Variants in GARNL3 observed in about 807,000 individuals in gnomAD.
The protein encoded by GARNL3 is GTPase activating Rap/RanGAP domain like 3, also known as GTPase-activating Rap/Ran-GAP domain-like protein 3.
Under a neutral mutation model 125.0 loss-of-function variants are expected in GARNL3, and 63 were observed. The observed-to-expected ratio is 0.50, with a 90% CI of 0.41 to 0.62. The LOEUF (loss-of-function observed/expected upper bound fraction) is 0.62. Among genes scored for constraint, GARNL3 ranks in the 20% least tolerant of loss-of-function variants. GARNL3 has a pLI of 0.00. For missense variants in GARNL3, 994 were observed against 1,244.0 expected (o/e 0.80, Z 3.02); for synonymous variants, 439 against 457.5 (o/e 0.96, Z 0.52).
upstream of GARNL3, chr9:127,263,769 A>T (rs543538152): frequency 1.3e-5 from 16 of 1,226,528 alleles, no homozygotes; most frequent in African/African-American, 2.3e-4. Context: ...AAAAGGTTAA[A>T]TTTCTCATAT....
intron 2 of GARNL3, among the ~76,000 whole-genome samples, chr9:127,304,291 C>T (rs979631161): frequency 7.2e-5 from 11 of 152,112 alleles, no homozygotes; most frequent in Admixed American, 4.6e-4. Context: ...TTCACCAACT[C>T]CAGAACTGCA....
intron 2 of GARNL3, among the ~76,000 whole-genome samples, chr9:127,255,151 A>G (rs2063476116): frequency 6.6e-6 from 1 of 152,216 alleles, no homozygotes; most frequent in Admixed American, 6.5e-5. Flanking sequence ...ACTCCTGGGT[A>G]TGGAATCTAG....
upstream of GARNL3, chr9:127,263,572 C>A: frequency 2.1e-6 from 1 of 484,456 alleles, no homozygotes. Flanking sequence ...AGAAAATAGG[C>A]GTAGAGGACA....
At chr9:127,366,568 T>C (rs1331306593) in intron 22 of GARNL3, among the ~76,000 whole-genome samples, 1 of 152,242 alleles carries the variant, frequency 6.6e-6, no homozygotes, top group Non-Finnish European at 1.5e-5. Flanking sequence ...GAGACATCTA[T>C]AGAATAACTT....
intron 26 of GARNL3, among the ~76,000 whole-genome samples, chr9:127,389,585 T>G (rs1015493055): frequency 2.0e-5 from 3 of 152,078 alleles, no homozygotes; most frequent in Non-Finnish European, 4.4e-5. Context: ...TGGGGGCAGG[T>G]CTGTGGATAG....
chr9:127,331,334 CA>C (rs374772757), intron 7 of GARNL3, among the ~76,000 whole-genome samples: 1 of 150,182 alleles, frequency 6.7e-6, no homozygotes, highest in Non-Finnish European at 1.5e-5. Flanking sequence ...ACTAAAAATA[CA>C]AAAAAAAATT....
chr9:127,275,959 A>G (rs1479214835), intron 1 of GARNL3, among the ~76,000 whole-genome samples: 1 of 152,096 alleles, frequency 6.6e-6, no homozygotes, highest in Non-Finnish European at 1.5e-5. Context: ...TTGGGAGTAC[A>G]TTTCAGCTAT....
At chr9:127,299,602 G>C (rs1268368005) in intron 2 of GARNL3, among the ~76,000 whole-genome samples, 1 of 151,552 alleles carries the variant, frequency 6.6e-6, no homozygotes, top group Admixed American at 6.6e-5. Context: ...ATGGAGTCTC[G>C]CTCTGTCACC....
At chr9:127,333,819 T>G (rs1287017149) in intron 9 of GARNL3, among the ~76,000 whole-genome samples, 1 of 151,226 alleles carries the variant, frequency 6.6e-6, no homozygotes, top group Admixed American at 6.6e-5. Context: ...CTGAAGGGAG[T>G]TTTGAGGTTA....
chr9:127,324,833 T>C (rs1052183790), intron 6 of GARNL3, among the ~76,000 whole-genome samples: 1 of 152,212 alleles, frequency 6.6e-6, no homozygotes, highest in Non-Finnish European at 1.5e-5. Context: ...TGTTTAGGTT[T>C]GCTGCTCCAT....
rs878999488 is a variant in GARNL3, at chr9:127,299,320, AAAAAAAAAAG to A, written c.219+8082_219+8091del. Among the ~76,000 whole-genome samples the A allele has an allele frequency of 4.2e-3, 539 of 129,380 alleles. 19 individuals carry two copies. Among genetic ancestry groups the A allele is most frequent in the African/African-American group, 0.011 (356 of 32,912 alleles). The allele number at this position is 129,380 out of a possible 152,430, so 84.9% of individuals were successfully genotyped here. A position where few individuals can be genotyped will look rare whatever the true frequency, so the allele number is the denominator to read the frequency against. On this transcript the variant is annotated intron_variant, in intron 2 of 27. Transcript: ENST00000373387. The stretch of plus-strand genomic sequence containing the variant: ...GAGACTCCGTCTCAAAAAAAAAAAA[AAAAAAAAAAG>A]AAAGAGAAAAGTTAGTACCAAATGA...
chr9:127,301,988 T>G (rs1391302868), intron 2 of GARNL3, among the ~76,000 whole-genome samples: 2 of 124,030 alleles, frequency 1.6e-5, no homozygotes, highest in Non-Finnish European at 3.2e-5. Context: ...TCGCCCAGGC[T>G]GGAGTGTGCA....
At chr9:127,301,191 CAT>C (rs1185696233) in intron 2 of GARNL3, among the ~76,000 whole-genome samples, 2 of 152,204 alleles carry the variant, frequency 1.3e-5, no homozygotes, top group African/African-American at 4.8e-5. Context: ...TCCTTGGACA[CAT>C]GTGAGGTTGT....
intron 1 of GARNL3, among the ~76,000 whole-genome samples, chr9:127,241,761 GT>G (rs1430608797): frequency 6.6e-6 from 1 of 151,856 alleles, no homozygotes; most frequent in Non-Finnish European, 1.5e-5. Context: ...TTGTTTGTTT[GT>G]TTGTTTGTTT....
chr9:127,320,321 A>G (rs1361479061), intron 5 of GARNL3, among the ~76,000 whole-genome samples: 2 of 152,240 alleles, frequency 1.3e-5, no homozygotes, highest in Admixed American at 6.5e-5. Flanking sequence ...ACTTAGGTTC[A>G]AGGGAATTTA....
At chr9:127,238,830 TA>T (rs2063156063) in intron 1 of GARNL3, among the ~76,000 whole-genome samples, 1 of 152,168 alleles carries the variant, frequency 6.6e-6, no homozygotes. Context: ...CTGTGCTCGG[TA>T]GTCTTGCATG....
intron 1 of GARNL3, among the ~76,000 whole-genome samples, chr9:127,225,720 C>T (rs1368043377): frequency 4.6e-5 from 7 of 150,668 alleles, no homozygotes; most frequent in Admixed American, 1.3e-4. Flanking sequence ...AGGGCAAGGT[C>T]GGGAGCTCAC....
intron 2 of GARNL3, among the ~76,000 whole-genome samples, chr9:127,301,973 C>CTCTG (rs1490974193): frequency 8.9e-6 from 1 of 112,346 alleles, no homozygotes; most frequent in African/African-American, 3.5e-5. Flanking sequence ...CAGAGTCTCG[C>CTCTG]TCTGTCGCCC....
At chr9:127,308,460 T>C (rs1223891494) in intron 2 of GARNL3, among the ~76,000 whole-genome samples, 1 of 152,130 alleles carries the variant, frequency 6.6e-6, no homozygotes, top group Non-Finnish European at 1.5e-5. Context: ...GACAAAGTTA[T>C]CTGTTTACCA....
Sources: gnomAD v4.1 joint callset for allele counts (sites outside exome capture counted in the v4.1 genomes callset) on GRCh38, gnomAD v4.1.1 for gene constraint, MANE v1.5 for transcripts, NCBI Gene and HGNC (gene_info 2026-07-23, HGNC 2026-07-21) for gene names.